The following KALRN variants were observed in gnomAD, a reference collection of about 807,000 sequenced individuals.
KALRN encodes the protein kalirin RhoGEF kinase.
In KALRN, 70 loss-of-function variants were observed where a neutral mutation model predicts 353.7. The ratio of observed to expected loss-of-function variants is 0.20; its 90% confidence interval spans 0.16 to 0.24. The LOEUF is 0.24. Among genes scored for constraint, KALRN ranks in the 10% least tolerant of loss-of-function variants. The pLI is 1.00. For synonymous variants in KALRN, 1,391 were observed against 1,434.8 expected, an observed-to-expected ratio of 0.97 and a Z score of 0.69; for missense variants, 2,791 against 3,756.7, an observed-to-expected ratio of 0.74 and a Z score of 6.72.
chr3:124,138,974 G>A (rs57725921), intron 1 of KALRN, among the ~76,000 whole-genome samples: 3,379 of 152,262 alleles, frequency 0.022, 108 homozygotes, highest in African/African-American at 0.077. Context: ...ACAGATGTGA[G>A]GCCACAGAAA....
intron 21 of KALRN, among the ~76,000 whole-genome samples, chr3:124,447,981 AT>A (rs769930213): frequency 9.9e-5 from 15 of 152,236 alleles, no homozygotes; most frequent in Non-Finnish European, 2.1e-4. Context: ...CCAAATTAAA[AT>A]GGCTGTGAAT....
chr3:124,570,500 T>G (rs1377910186), intron 34 of KALRN, among the ~76,000 whole-genome samples: 2 of 152,210 alleles, frequency 1.3e-5, no homozygotes, highest in Non-Finnish European at 2.9e-5. Context: ...CACAACATTT[T>G]CCTTTATATT....
At chr3:124,223,356 C>T (rs2078127811) in intron 1 of KALRN, among the ~76,000 whole-genome samples, 1 of 152,136 alleles carries the variant, frequency 6.6e-6, no homozygotes, top group South Asian at 2.1e-4. Context: ...CTCTTTTATG[C>T]AGCCTCTCAG....
intron 13 of KALRN, among the ~76,000 whole-genome samples, chr3:124,412,645 G>A (rs1478330428): frequency 6.6e-6 from 1 of 152,206 alleles, no homozygotes; most frequent in Non-Finnish European, 1.5e-5. Flanking sequence ...GTGAGTTAAG[G>A]TGTAGAGAAA....
At chr3:124,666,226 T>C (rs1376175504) in intron 45 of KALRN, among the ~76,000 whole-genome samples, 1 of 152,228 alleles carries the variant, frequency 6.6e-6, no homozygotes, top group Non-Finnish European at 1.5e-5. Context: ...TTCCGCAGCT[T>C]GCTTTCCCTT....
chr3:124,708,500 C>G (rs2150751544), intron 57 of KALRN, among the ~76,000 whole-genome samples: 2 of 152,116 alleles, frequency 1.3e-5, no homozygotes, highest in Middle Eastern at 6.8e-3. Context: ...AAATTTACAG[C>G]ATGGATTCAA....
At chr3:124,175,063 A>G (rs1450180458) in intron 1 of KALRN, among the ~76,000 whole-genome samples, 1 of 152,178 alleles carries the variant, frequency 6.6e-6, no homozygotes, top group Non-Finnish European at 1.5e-5. Flanking sequence ...ATAAAAAATT[A>G]ATGTGGAGGA....
intron 34 of KALRN, among the ~76,000 whole-genome samples, chr3:124,595,936 A>C (rs1267939102): frequency 6.6e-6 from 1 of 152,238 alleles, no homozygotes; most frequent in Non-Finnish European, 1.5e-5. Context: ...AATGAAAGGC[A>C]ATATATCATG....
At chr3:124,395,082 A>T (rs482285) in intron 11 of KALRN, 53 bp from the exon 12 acceptor site, 1,191,243 of 1,472,560 alleles carry the variant, frequency 0.81, 484,058 homozygotes, top group Middle Eastern at 0.85. Context: ...CCCTCACCCC[A>T]GCCCTGGCCT....
chr3:124,061,901 A>C (rs761938014), intron 1 of KALRN, among the ~76,000 whole-genome samples: 12 of 151,636 alleles, frequency 7.9e-5, no homozygotes, highest in Non-Finnish European at 1.6e-4. Context: ...CTTGTTGTAA[A>C]GAAGCAGACT....
At chr3:124,463,033 A>G (rs982740163) in intron 25 of KALRN, among the ~76,000 whole-genome samples, 23 of 152,178 alleles carry the variant, frequency 1.5e-4, no homozygotes, top group Non-Finnish European at 3.4e-4. Flanking sequence ...CAACCTAAAT[A>G]TTTCCTCCAT....
intron 1 of KALRN, among the ~76,000 whole-genome samples, chr3:124,167,953 G>A (rs893342359): frequency 6.6e-6 from 1 of 152,186 alleles, no homozygotes; most frequent in East Asian, 1.9e-4. Context: ...GGTTTGGAGT[G>A]CACCCCTGCC....
At chr3:124,108,619 C>A (rs2062547611) in intron 1 of KALRN, among the ~76,000 whole-genome samples, 1 of 152,160 alleles carries the variant, frequency 6.6e-6, no homozygotes, top group South Asian at 2.1e-4. Flanking sequence ...ATACTGTTTA[C>A]TTCCTTCCAT....
At chr3:124,060,133 A>G (rs2041878196) in intron 1 of KALRN, among the ~76,000 whole-genome samples, 1 of 152,052 alleles carries the variant, frequency 6.6e-6, no homozygotes, top group South Asian at 2.1e-4. Flanking sequence ...TTCGCTGACC[A>G]TTTTTGAGGC....
At position 124,615,736 on chromosome 3, in the gene KALRN, C is replaced by G. The variant is rs946996429; in HGVS notation, c.5183-16684C>G. ...GGGCCAGGCAGTTCATTTTCCTAGC[C>G]GTGTGTATCTTTAGTGTGGAATCTG... is the stretch of plus-strand genomic sequence containing the variant. On this transcript the variant is annotated intron_variant, in intron 34 of 59. Transcript: ENST00000682506. Among the ~76,000 whole-genome samples the G allele has an allele frequency of 1.7e-4, 26 of 152,134 alleles. 1 individual carries two copies. Among genetic ancestry groups the G allele is most frequent in the Non-Finnish European group, 1.5e-5 (1 of 68,026 alleles).
intron 34 of KALRN, among the ~76,000 whole-genome samples, chr3:124,605,607 C>T (rs1485533093): frequency 8.8e-6 from 1 of 113,642 alleles, no homozygotes; most frequent in Non-Finnish European, 1.8e-5. Flanking sequence ...AGAATAGGTG[C>T]ATTAAGATAG....
intron 1 of KALRN, among the ~76,000 whole-genome samples, chr3:124,058,915 T>C (rs1379744452): frequency 2.0e-5 from 3 of 152,234 alleles, no homozygotes; most frequent in Non-Finnish European, 4.4e-5. Flanking sequence ...ATCTTGAAAG[T>C]AGCTTCTTTA....
At chr3:124,382,198 T>C (rs1261606247) in intron 10 of KALRN, among the ~76,000 whole-genome samples, 1 of 152,222 alleles carries the variant, frequency 6.6e-6, no homozygotes, top group Non-Finnish European at 1.5e-5. Context: ...GGAGATAGCA[T>C]GCATAAAATC....
intron 31 of KALRN, among the ~76,000 whole-genome samples, chr3:124,492,381 A>AAT: frequency 6.6e-6 from 1 of 151,864 alleles, no homozygotes; most frequent in African/African-American, 2.4e-5. Context: ...TGCCCACCAG[A>AAT]CCTCCCCAGG....
Sources: allele counts gnomAD v4.1 joint callset (sites outside exome capture counted in the v4.1 genomes callset), GRCh38; gene constraint gnomAD v4.1.1; transcripts MANE v1.5; gene names NCBI Gene and HGNC (gene_info 2026-07-23, HGNC 2026-07-21).